SMC6: variants seen among roughly 807,000 people sequenced by gnomAD.
SMC6 encodes the protein structural maintenance of chromosomes 6.
SMC6 carries 79 observed loss-of-function variants against 142.2 expected under a neutral mutation model. The observed-to-expected ratio is 0.56, with a 90% CI of 0.46 to 0.67. The LOEUF (loss-of-function observed/expected upper bound fraction) is 0.67. Among genes scored for constraint, SMC6 ranks in the 30% least tolerant of loss-of-function variants. SMC6 has a pLI of 0.00. For missense variants in SMC6, 1,072 were observed against 1,284.0 expected, an observed-to-expected ratio of 0.83 and a Z score of 2.52; for synonymous variants, 411 against 412.4, an observed-to-expected ratio of 1.00 and a Z score of 0.04.
At chr2:17,743,470 G>A (rs1416501762) in intron 3 of SMC6, among the ~76,000 whole-genome samples, 1 of 152,058 alleles carries the variant, frequency 6.6e-6, no homozygotes, top group South Asian at 2.1e-4. Flanking sequence ...GCAAAATTGA[G>A]AGGAAGATAC....
intron 9 of SMC6, among the ~76,000 whole-genome samples, chr2:17,721,959 C>T (rs1241206915): frequency 6.6e-6 from 1 of 152,072 alleles, no homozygotes; most frequent in Non-Finnish European, 1.5e-5. Context: ...CTGTGATATT[C>T]AAACAATTTC....
intron 9 of SMC6, among the ~76,000 whole-genome samples, chr2:17,723,971 A>G (rs189009271): frequency 4.1e-4 from 62 of 152,296 alleles, no homozygotes; most frequent in African/African-American, 1.4e-3. Context: ...ATTCTCCTAC[A>G]TAATTTAGGG....
chr2:17,696,551 C>G, intron 21 of SMC6, 125 bp from the exon 22 acceptor site: 1 of 902,802 alleles, frequency 1.1e-6, no homozygotes, highest in Non-Finnish European at 1.7e-6. Context: ...GTTATTATAT[C>G]CATATGTGTC....
chr2:17,667,158 G>A (rs1183624160), intron 26 of SMC6, among the ~76,000 whole-genome samples: 1 of 152,154 alleles, frequency 6.6e-6, no homozygotes, highest in Non-Finnish European at 1.5e-5. Flanking sequence ...AATCTAATTT[G>A]TACAGTAATG....
intron 5 of SMC6, among the ~76,000 whole-genome samples, chr2:17,734,508 T>C (rs901427137): frequency 6.6e-6 from 1 of 151,586 alleles, no homozygotes; most frequent in Admixed American, 6.6e-5. Context: ...AATGAATATT[T>C]TATTTCATTA....
At position 17,716,726 on chromosome 2, in the gene SMC6, G is replaced by A; in HGVS notation, c.1346+15C>T. 6.2e-7 allele frequency: 1 copy of A among 1,601,784 alleles called. No individual in the cohort carries two copies. Among genetic ancestry groups the A allele is most frequent in the Non-Finnish European group, 8.5e-7 (1 of 1,175,966 alleles). Reference sequence around the variant, plus strand: ...AGTAATTGAAAAAAATCATTCTAAGGATGTTGCAACTTACTTAATTTTGCC... The same window carrying A: ...AGTAATTGAAAAAAATCATTCTAAGAATGTTGCAACTTACTTAATTTTGCC... On this transcript the variant is annotated intron_variant, in intron 14 of 27. Coordinates refer to ENST00000448223, the MANE Select transcript of SMC6 (RefSeq NM_001142286.2).
chr2:17,714,504 C>T (rs1025809839), intron 16 of SMC6, among the ~76,000 whole-genome samples: 1 of 152,184 alleles, frequency 6.6e-6, no homozygotes, highest in Non-Finnish European at 1.5e-5. Context: ...TACTGCTCTT[C>T]ACGGATTCTG....
chr2:17,696,429 G>A lies in SMC6; in HGVS notation c.2395-3C>T, dbSNP rs368487403. On this transcript the variant is annotated splice_region_variant and splice_polypyrimidine_tract_variant and intron_variant, in intron 21 of 27. Transcript: ENST00000448223. ...GAATCAGCAAGGTTTAATTCATCCT[G>A]TTTGAACAAAGCCAGAATAAAAGAT... is the stretch of plus-strand genomic sequence containing the variant. 6.4e-5 allele frequency: 103 copies of A among 1,598,506 alleles called. No homozygotes were observed. Among genetic ancestry groups the A allele is most frequent in the Non-Finnish European group, 8.2e-5 (97 of 1,176,286 alleles).
chr2:17,715,206 A>T (rs1164935753), intron 15 of SMC6, 141 bp from the exon 16 acceptor site: 3 of 777,380 alleles, frequency 3.9e-6, no homozygotes, highest in Non-Finnish European at 6.1e-6. Flanking sequence ...ATTTAATCAT[A>T]GTTTATAAAT....
chr2:17,715,595 A>AC (rs954769547), intron 15 of SMC6, among the ~76,000 whole-genome samples: 4 of 152,078 alleles, frequency 2.6e-5, no homozygotes, highest in Admixed American at 6.6e-5. Flanking sequence ...ATTAAAGATA[A>AC]CCCCCCAAGA....
intron 26 of SMC6, among the ~76,000 whole-genome samples, chr2:17,667,717 G>A (rs929739784): frequency 2.0e-4 from 30 of 152,244 alleles, no homozygotes; most frequent in African/African-American, 7.2e-4. Flanking sequence ...GGGCATGGTG[G>A]TGCACACCTG....
Position 17,700,258 on chromosome 2 carries a change from C to T in SMC6, c.2344G>A (p.Ala782Thr), listed in dbSNP as rs895342727. ...AGTTGATTAATTTTGAATTTAATTGCATCATACTTATTTTCTGCTTCTATT... is the reference window on the plus strand; with the variant it reads ...AGTTGATTAATTTTGAATTTAATTGTATCATACTTATTTTCTGCTTCTATT... ...LKIEAENKYD[A>T]IKFKINQLSE... Residue 782 changes from alanine (A) to threonine (T), a missense_variant, in exon 21 of 28, where the codon GCA (alanine) becomes ACA (threonine). Ala to Thr is a moderately conservative substitution (Grantham distance 58, BLOSUM62 0). Transcript: ENST00000448223. 1 of 1,609,858 alleles carries T rather than the reference C, an allele frequency of 6.2e-7. No individual in the cohort carries two copies. The highest frequency in any genetic ancestry group is 1.3e-5 in the African/African-American group (1 of 74,736).
At chr2:17,688,559 T>C (rs1667563888) in intron 23 of SMC6, among the ~76,000 whole-genome samples, 1 of 152,026 alleles carries the variant, frequency 6.6e-6, no homozygotes, top group Non-Finnish European at 1.5e-5. Flanking sequence ...AGCGAGACCC[T>C]GTCTCAGAAA....
At chr2:17,712,670 T>C (rs1055190201) in intron 16 of SMC6, among the ~76,000 whole-genome samples, 1 of 152,210 alleles carries the variant, frequency 6.6e-6, no homozygotes, top group Non-Finnish European at 1.5e-5. Flanking sequence ...TGCATTATAA[T>C]ACCCTAATAA....
intron 27 of SMC6, among the ~76,000 whole-genome samples, 198 bp downstream of exon 27, chr2:17,666,222 T>C (rs1192557178): frequency 6.6e-6 from 1 of 152,190 alleles, no homozygotes; most frequent in African/African-American, 2.4e-5. Context: ...GCTTCAGTTA[T>C]GAAAGGGAAG....
chr2:17,717,880 G>A lies in SMC6; in HGVS notation c.1092+197C>T, dbSNP rs369888584. 4.0e-5 allele frequency among the ~76,000 whole-genome samples: 6 copies of A among 151,884 alleles called. No individual in the cohort carries two copies. The East Asian group carries it at 1.2e-3, about 29-fold the overall frequency. On this transcript the variant is annotated intron_variant, in intron 12 of 27. Coordinates refer to ENST00000448223, the MANE Select transcript of SMC6 (RefSeq NM_001142286.2). ...GATGTCTGTAGTCCCAGCTACTCAG[G>A]TGGCCGAGGTGGGAGGATAGCGTGT...
intron 23 of SMC6, among the ~76,000 whole-genome samples, chr2:17,692,541 A>T (rs1390610231): frequency 6.6e-6 from 1 of 152,190 alleles, no homozygotes; most frequent in Non-Finnish European, 1.5e-5. Context: ...CTTATACCTT[A>T]CACAAAAATT....
At chr2:17,736,751 AG>A (rs1299566752) in intron 5 of SMC6, among the ~76,000 whole-genome samples, 1 of 151,160 alleles carries the variant, frequency 6.6e-6, no homozygotes, top group East Asian at 1.9e-4. Flanking sequence ...GCATGGCTGT[AG>A]TCCCAGCTAC....
chr2:17,673,145 C>A (rs912114061), intron 25 of SMC6, among the ~76,000 whole-genome samples: 11 of 152,106 alleles, frequency 7.2e-5, no homozygotes, highest in African/African-American at 2.4e-4. Flanking sequence ...AATAATATTT[C>A]TCTGATGACT....
Sources: allele counts gnomAD v4.1 joint callset (sites outside exome capture counted in the v4.1 genomes callset), GRCh38; gene constraint gnomAD v4.1.1; transcripts MANE v1.5; gene names NCBI Gene and HGNC (gene_info 2026-07-23, HGNC 2026-07-21).